SART3: variants seen among roughly 807,000 people sequenced by gnomAD.
SART3 encodes spliceosome associated factor 3, U4/U6 recycling protein.
Under a neutral mutation model 122.3 loss-of-function variants are expected in SART3, and 44 were observed. The ratio of observed to expected loss-of-function variants is 0.36; its 90% confidence interval spans 0.28 to 0.46. The LOEUF (loss-of-function observed/expected upper bound fraction) is 0.46. Among genes scored for constraint, SART3 ranks in the 20% least tolerant of loss-of-function variants. SART3 has a pLI of 1.00. For missense variants in SART3, 1,101 were observed against 1,229.0 expected (o/e 0.90, Z 1.56); for synonymous variants, 442 against 454.0 (o/e 0.97, Z 0.34).
At position 108,547,948 on chromosome 12, in the gene SART3, C is replaced by G. The variant is rs147125282; in HGVS notation, c.483G>C (p.Gln161His). The G allele has an allele frequency of 6.2e-7, 1 of 1,613,754 alleles. No individual in the cohort carries two copies. The highest frequency in any genetic ancestry group is 1.1e-5 in the South Asian group (1 of 91,084). The change falls in exon 3 of 19, where the codon CAG becomes CAC. Residue 161 changes from glutamine to histidine, a missense_variant. Around this residue, in one of 2 missense-constraint regions of SART3, gnomAD observed 885 missense variants for 1,080.1 expected, o/e 0.82. Transcript: ENST00000546815. Reference sequence around the variant, plus strand: ...ACACGTGCTCTCTGTCCAGGCCATCCTGGGCCATGCTGATCTCGTCATGCA... The same window carrying G: ...ACACGTGCTCTCTGTCCAGGCCATCGTGGGCCATGCTGATCTCGTCATGCA... Reference protein sequence around the residue: ...EWLHDEISMAQDGLDREHVYD... With the variant: ...EWLHDEISMAHDGLDREHVYD...
chr12:108,548,056 A>G, intron 2 of SART3, 65 bp from the exon 3 acceptor site: 1 of 1,345,158 alleles, frequency 7.4e-7, no homozygotes, highest in East Asian at 2.3e-5. Context: ...GACTTTACCA[A>G]GAGACATCAG....
chr12:108,558,572 C>T (rs571431046), intron 1 of SART3, among the ~76,000 whole-genome samples: 5 of 152,264 alleles, frequency 3.3e-5, no homozygotes, highest in South Asian at 4.1e-4. Flanking sequence ...CCTCTCTGGT[C>T]CCAAACCTCT....
chr12:108,535,370 G>GT lies in SART3; in HGVS notation c.1544dup (p.Tyr515Ter). ...CCGAGATCAGTTACCTTTCCAGGTT[G>GT]TAATACTCTAGCCACATGTTGGCGT... ...AKYANMWLEY[Y>*]NLERAHGDTQ... Residue 515 changes from tyrosine (Y) to a stop codon, truncating the protein, a stop_gained and frameshift_variant, in exon 12 of 19, where the codon TAC (tyrosine) becomes TAAC (stop). Transcript: ENST00000546815. LOFTEE classifies it high-confidence loss of function. 6.2e-7 allele frequency: 1 copy of GT among 1,613,710 alleles called. No individual in the cohort carries two copies. Among genetic ancestry groups the GT allele is most frequent in the Non-Finnish European group, 8.5e-7 (1 of 1,179,704 alleles).
At chr12:108,551,962 T>C (rs2030026800) in intron 1 of SART3, among the ~76,000 whole-genome samples, 4 of 151,988 alleles carry the variant, frequency 2.6e-5, no homozygotes, top group Admixed American at 2.6e-4. Flanking sequence ...CGGAGGAAAA[T>C]TTAAAGAACT....
chr12:108,549,189 T>G lies in SART3; in HGVS notation c.338A>C (p.Asn113Thr). The part of the protein sequence containing the change: ...EQLSINVYDY[N>T]CHVDLIRLLR... ...CAGTCTGATCAAGTCCACATGGCAG[T>G]TGTAGTCATAGACGTTGATAGACAA... is the stretch of plus-strand genomic sequence containing the variant. Residue 113 changes from asparagine (N) to threonine (T), a missense_variant, in exon 2 of 19, where the codon AAC (asparagine) becomes ACC (threonine). Asn to Thr is a moderately conservative substitution (Grantham distance 65). Transcript: ENST00000546815. The G allele has an allele frequency of 6.2e-7, 1 of 1,614,222 alleles. No homozygotes were observed. The highest frequency in any genetic ancestry group is 8.5e-7 in the Non-Finnish European group (1 of 1,180,026).
Position 108,524,416 on chromosome 12 carries a change from T to C in SART3, c.2614A>G (p.Lys872Glu), listed in dbSNP as rs758131509. Reference sequence around the variant, plus strand: ...TGAGGAGGGTTGCTGATTGCCACTTTGATGATGTTCTCTTTGATAGTCATG... The same window carrying C: ...TGAGGAGGGTTGCTGATTGCCACTTCGATGATGTTCTCTTTGATAGTCATG... The part of the protein sequence containing the change: ...DGMTIKENII[K>E]VAISNPPQRK... The change falls in exon 18 of 19, where the codon AAA (lysine) becomes GAA (glutamate). Residue 872 changes from lysine (K) to glutamate (E), a missense_variant. Lys to Glu is a moderately conservative substitution (Grantham distance 56, BLOSUM62 1). Coordinates refer to ENST00000546815, the MANE Select transcript of SART3 (RefSeq NM_014706.4). 2 of 1,614,190 alleles carry C rather than the reference T, an allele frequency of 1.2e-6. No homozygotes were observed. The highest frequency in any genetic ancestry group is 2.2e-5 in the South Asian group (2 of 91,082).
intron 1 of SART3, among the ~76,000 whole-genome samples, chr12:108,557,912 C>T (rs2241318): frequency 0.2 from 30,292 of 152,142 alleles, 3,875 homozygotes; most frequent in East Asian, 0.49. Context: ...GCCTGTGATC[C>T]GAGCACTTTG....
At position 108,526,326 on chromosome 12, in the gene SART3, T is replaced by C; in HGVS notation, c.2143A>G (p.Met715Val). ...TVFVSNLPYS[M>V]QEPDTKLRPL... is the part of the protein sequence containing the mutation. ...CTGAGCTTCGTGTCCGGCTCCTGCATGCTGTAGGGCAGGTTGCTGACAAAG... is the reference window on the plus strand; with the variant it reads ...CTGAGCTTCGTGTCCGGCTCCTGCACGCTGTAGGGCAGGTTGCTGACAAAG... The change falls in exon 16 of 19, where the codon ATG (methionine) becomes GTG (valine). Residue 715 changes from methionine to valine, a missense_variant. By Grantham distance (21) the Met-to-Val change is conservative (BLOSUM62 1). Coordinates refer to ENST00000546815, the MANE Select transcript of SART3 (RefSeq NM_014706.4). The C allele has an allele frequency of 6.2e-7, 1 of 1,614,206 alleles. No homozygotes were observed. Among genetic ancestry groups the C allele is most frequent in the Non-Finnish European group, 8.5e-7 (1 of 1,180,026 alleles).
intron 4 of SART3, 44 bp downstream of exon 4, chr12:108,545,095 C>CAAAGACAGCCCCAACCCGTTCAGA: frequency 1.3e-6 from 2 of 1,584,370 alleles, no homozygotes; most frequent in Non-Finnish European, 1.7e-6. Flanking sequence ...AGGAGACTTA[C>CAAAGACAGCCCCAACCCGTTCAGA]AAAGACAGCC....
intron 1 of SART3, among the ~76,000 whole-genome samples, chr12:108,549,847 C>G (rs887438490): frequency 2.6e-5 from 4 of 151,808 alleles, no homozygotes; most frequent in African/African-American, 9.7e-5. Flanking sequence ...CAAACCCTAT[C>G]TCTACCAAAA....
intron 9 of SART3, 74 bp from the exon 10 acceptor site, chr12:108,536,859 A>C: frequency 7.1e-7 from 1 of 1,398,646 alleles, no homozygotes; most frequent in South Asian, 1.2e-5. Flanking sequence ...TCCTATGCTG[A>C]AACTGCCTGG....
chr12:108,560,001 T>C (rs1430965914), intron 1 of SART3, among the ~76,000 whole-genome samples: 1 of 152,242 alleles, frequency 6.6e-6, no homozygotes, highest in African/African-American at 2.4e-5. Flanking sequence ...GGCCCAAAGA[T>C]GGACACCAGG....
Position 108,561,135 on chromosome 12 carries a change from G to C in SART3, c.20C>G (p.Thr7Ser). 6.2e-7 allele frequency: 1 copy of C among 1,613,366 alleles called. No individual in the cohort carries two copies. Among genetic ancestry groups the C allele is most frequent in the Non-Finnish European group, 8.5e-7 (1 of 1,179,328 alleles). Residue 7 changes from threonine (T) to serine (S), a missense_variant, in exon 1 of 19, where the codon ACC (threonine) becomes AGC (serine). Thr to Ser is a moderately conservative substitution (Grantham distance 58). Transcript: ENST00000546815. Reference protein sequence around the residue: MATAAETSASEPEAESK... With the variant: MATAAESSASEPEAESK... ...CTCAGCCTCGGGTTCTGAAGCCGAG[G>C]TTTCGGCCGCAGTCGCCATCTTGCG...
chr12:108,536,483 T>C, intron 11 of SART3, 31 bp downstream of exon 11: 1 of 1,608,644 alleles, frequency 6.2e-7, no homozygotes, highest in Non-Finnish European at 8.5e-7. Flanking sequence ...CAATGATGGA[T>C]GAAAGTGCTA....
rs904534938 is a variant in SART3, at chr12:108,523,640, A to C, written c.2715-6T>G. On this transcript the variant is annotated splice_polypyrimidine_tract_variant and splice_region_variant and intron_variant, in intron 18 of 18. Coordinates refer to ENST00000546815, the MANE Select transcript of SART3 (RefSeq NM_014706.4). ...GCGTCCTTCCCTTCCCCCTCCTAAAAGAGCAAACACTGAATGGACCTTTTG... is the reference window on the plus strand; with the variant it reads ...GCGTCCTTCCCTTCCCCCTCCTAAACGAGCAAACACTGAATGGACCTTTTG... The C allele has an allele frequency of 6.2e-7, 1 of 1,613,716 alleles. No individual in the cohort carries two copies. The highest frequency in any genetic ancestry group is 8.5e-7 in the Non-Finnish European group (1 of 1,179,816).
chr12:108,548,978 A>G, intron 2 of SART3, 110 bp downstream of exon 2: 1 of 1,533,916 alleles, frequency 6.5e-7, no homozygotes, highest in South Asian at 1.1e-5. Context: ...TCTTTCCACT[A>G]CACTGAACGT....
At position 108,560,931 on chromosome 12, in the gene SART3, G is replaced by A. The variant is rs767844746; in HGVS notation, c.224C>T (p.Ser75Phe). The A allele has an allele frequency of 3.7e-6, 6 of 1,613,930 alleles. No homozygotes were observed. The highest frequency in any genetic ancestry group is 3.3e-5 in the Admixed American group (2 of 60,014). The change falls in exon 1 of 19, where the codon TCC becomes TTC. Residue 75 changes from serine (S) to phenylalanine (F), a missense_variant. Ser to Phe is a radical substitution (Grantham distance 155). Coordinates refer to ENST00000546815, the MANE Select transcript of SART3 (RefSeq NM_014706.4). ...SDGDEYAMAS[S>F]AESSPGEYEW... ...GTACTCCCCGGGGGAGCTCTCCGCG[G>A]AGGAAGCCATGGCGTACTCATCCCC...
chr12:108,523,281 G>A lies in SART3; in HGVS notation c.*176C>T, dbSNP rs1872208681. The A allele has an allele frequency of 4.3e-6, 3 of 692,100 alleles. No individual in the cohort carries two copies. Among genetic ancestry groups the A allele is most frequent in the Admixed American group, 2.2e-5 (1 of 45,886 alleles). 42.9% of individuals were successfully genotyped at this position (692,100 alleles called of 1,614,324 possible). A position where few individuals can be genotyped will look rare whatever the true frequency, so the allele number is the denominator to read the frequency against. On this transcript the variant is annotated 3_prime_UTR_variant, in exon 19 of 19. Transcript: ENST00000546815. ...CTGCCACTGCCCTCAATATGAGGGA[G>A]CACTGAAAGGCTCTTGACTTAGAAC...
intron 13 of SART3, 73 bp from the exon 14 acceptor site, chr12:108,531,353 T>C: frequency 1.7e-6 from 2 of 1,169,486 alleles, no homozygotes; most frequent in Non-Finnish European, 2.6e-6. Flanking sequence ...TTTTTCTTAA[T>C]TTCTCTGTAC....
Sources: allele counts gnomAD v4.1 joint callset (sites outside exome capture counted in the v4.1 genomes callset), GRCh38; gene constraint gnomAD v4.1.1; regional missense constraint gnomAD v4.1.1; transcripts MANE v1.5; gene names NCBI Gene and HGNC (gene_info 2026-07-23, HGNC 2026-07-21).